Variants in TRIM2 observed in about 807,000 individuals in gnomAD.
TRIM2 encodes tripartite motif containing 2, also known as tripartite motif-containing protein 2.
A neutral mutation model predicts 75.2 loss-of-function variants in TRIM2; 20 were observed. The ratio of observed to expected loss-of-function variants is 0.27; its 90% confidence interval spans 0.19 to 0.39. The LOEUF is 0.39. Among genes scored for constraint, TRIM2 ranks in the 10% least tolerant of loss-of-function variants. TRIM2 has a pLI of 1.00. For synonymous variants in TRIM2, 373 were observed against 388.3 expected (o/e 0.96, Z 0.46); for missense variants, 660 against 990.8 (o/e 0.67, Z 4.48).
At chr4:153,263,584 G>A (rs1283405138) in intron 1 of TRIM2, among the ~76,000 whole-genome samples, 2 of 152,200 alleles carry the variant, frequency 1.3e-5, no homozygotes, top group Non-Finnish European at 2.9e-5. Flanking sequence ...ATGCAAATCT[G>A]TGCCCTTGTA....
At chr4:153,308,077 C>CTGG in intron 6 of TRIM2, 1 of 822,306 alleles carries the variant, frequency 1.2e-6, no homozygotes, top group Non-Finnish European at 2.2e-6. Flanking sequence ...TTGTACCTAT[C>CTGG]AAATACTTTC....
chr4:153,237,309 A>T (rs1318235657), intron 1 of TRIM2, among the ~76,000 whole-genome samples: 1 of 152,168 alleles, frequency 6.6e-6, no homozygotes, highest in East Asian at 1.9e-4. Flanking sequence ...TTGATTATTA[A>T]TATTAATTTT....
intron 1 of TRIM2, among the ~76,000 whole-genome samples, chr4:153,246,424 G>A (rs1202223404): frequency 6.6e-6 from 1 of 152,086 alleles, no homozygotes; most frequent in African/African-American, 2.4e-5. Flanking sequence ...TATTTCCTAG[G>A]TGGGTCTGAA....
intron 1 of TRIM2, among the ~76,000 whole-genome samples, chr4:153,178,522 G>T (rs1264686833): frequency 6.6e-6 from 1 of 152,174 alleles, no homozygotes; most frequent in Non-Finnish European, 1.5e-5. Context: ...CACTTATTTT[G>T]CAGTTTGAGA....
At chr4:153,267,866 G>C (rs1179696982) in intron 1 of TRIM2, among the ~76,000 whole-genome samples, 1 of 152,060 alleles carries the variant, frequency 6.6e-6, no homozygotes, top group Non-Finnish European at 1.5e-5. Context: ...AATTTATCAA[G>C]ACAGGGGATT....
At position 153,293,219 on chromosome 4, in the gene TRIM2, T is replaced by C. The variant is rs1032173439; in HGVS notation, c.605+86T>C. 4.7e-5 allele frequency: 64 copies of C among 1,352,324 alleles called. No homozygotes were observed. In the African/African-American group the frequency reaches 7.5e-4, roughly 16 times the overall value. 83.8% of individuals were successfully genotyped at this position (1,352,324 alleles called of 1,614,324 possible). On this transcript the variant is annotated intron_variant, in intron 4 of 11. Coordinates refer to ENST00000338700, the MANE Select transcript of TRIM2 (RefSeq NM_015271.5). ...CCTCTTGTCTAGGTACAAGAGTAGG[T>C]TCATATTTCCCTTGAGATATCAGGC...
intron 3 of TRIM2, among the ~76,000 whole-genome samples, chr4:153,279,970 A>T (rs1339566739): frequency 6.8e-6 from 1 of 146,962 alleles, no homozygotes; most frequent in Non-Finnish European, 1.5e-5. Flanking sequence ...GCAGGGGGGG[A>T]TAGTGGAGCA....
Position 153,335,222 on chromosome 4 carries a change from G to C in TRIM2, c.*256G>C, listed in dbSNP as rs1772319780. On this transcript the variant is annotated 3_prime_UTR_variant, in exon 12 of 12. Transcript: ENST00000338700. ...TTTACATCTGTGAACTATGGCTTAA[G>C]GGACAGGATTTATGTAGCTAAACTA... The C allele has an allele frequency of 8.6e-7, 1 of 1,159,092 alleles. No individual in the cohort carries two copies. Among genetic ancestry groups the C allele is most frequent in the Admixed American group, 4.5e-5 (1 of 22,222 alleles). The allele number at this position is 1,159,092 out of a possible 1,614,324, so 71.8% of individuals were successfully genotyped here.
chr4:153,219,046 G>A (rs1739263505), intron 1 of TRIM2, among the ~76,000 whole-genome samples: 1 of 152,046 alleles, frequency 6.6e-6, no homozygotes, highest in African/African-American at 2.4e-5. Flanking sequence ...CTTAACCATA[G>A]CACCCATTAG....
intron 11 of TRIM2, among the ~76,000 whole-genome samples, chr4:153,331,085 G>C (rs1403234886): frequency 6.6e-6 from 1 of 152,170 alleles, no homozygotes; most frequent in African/African-American, 2.4e-5. Flanking sequence ...ACTTTAGGAG[G>C]CCAAGGTGGG....
chr4:153,153,501 C>G (rs1008658567), intron 1 of TRIM2, among the ~76,000 whole-genome samples: 4 of 152,158 alleles, frequency 2.6e-5, no homozygotes, highest in African/African-American at 9.7e-5. Flanking sequence ...GGGTTGCCAG[C>G]GCCGGGCTTG....
intron 1 of TRIM2, among the ~76,000 whole-genome samples, chr4:153,161,311 C>A (rs1729714116): frequency 6.6e-6 from 1 of 152,188 alleles, no homozygotes; most frequent in South Asian, 2.1e-4. Flanking sequence ...TAGAAAGAAC[C>A]TCCATGAATT....
intron 6 of TRIM2, chr4:153,310,006 T>A (rs72729632): frequency 0.064 from 9,673 of 152,238 alleles, 414 homozygotes; most frequent in Middle Eastern, 0.13. Context: ...AGTCTAAGGG[T>A]TCACCTTATG....
intron 3 of TRIM2, among the ~76,000 whole-genome samples, chr4:153,288,854 A>T: frequency 6.7e-6 from 1 of 150,320 alleles, no homozygotes; most frequent in Non-Finnish European, 1.5e-5. Context: ...TTCCTGCTTG[A>T]ATTTTCTGTG....
intron 1 of TRIM2, among the ~76,000 whole-genome samples, chr4:153,207,754 G>A (rs986914354): frequency 6.6e-6 from 1 of 152,206 alleles, no homozygotes; most frequent in African/African-American, 2.4e-5. Context: ...ATCCGGGACT[G>A]GCCAGCAGGT....
chr4:153,205,485 A>G (rs1735143021), intron 1 of TRIM2, among the ~76,000 whole-genome samples: 1 of 152,014 alleles, frequency 6.6e-6, no homozygotes, highest in African/African-American at 2.4e-5. Context: ...GAGTCCTGGG[A>G]GTTGCTTTAG....
intron 1 of TRIM2, among the ~76,000 whole-genome samples, chr4:153,211,437 ATTTG>A (rs1736961200): frequency 6.9e-6 from 1 of 145,400 alleles, no homozygotes; most frequent in Non-Finnish European, 1.5e-5. Flanking sequence ...ATCTTAGTTC[ATTTG>A]TTTGTTTGTT....
At chr4:153,292,955 C>G in intron 3 of TRIM2, 27 bp from the exon 4 acceptor site, 1 of 1,578,358 alleles carries the variant, frequency 6.3e-7, no homozygotes, top group South Asian at 1.2e-5. Context: ...GGCCCAGAAC[C>G]AGGAACTTTT....
rs1388486290 is a variant in TRIM2 at position 153,295,033 on chromosome 4, C to G, written c.787-280C>G. Among the ~76,000 whole-genome samples the G allele has an allele frequency of 1.3e-5, 2 of 152,186 alleles. No homozygotes were observed. The highest frequency in any genetic ancestry group is 2.9e-5 in the Non-Finnish European group (2 of 68,032). The stretch of plus-strand genomic sequence containing the variant: ...GGCATAGCAATTAATTTGCTATGCT[C>G]TTGGTAGTGACCTTTCTGTTTTCCC... On this transcript the variant is annotated intron_variant, in intron 5 of 11. Coordinates refer to ENST00000338700, the MANE Select transcript of TRIM2 (RefSeq NM_015271.5). The surrounding 1 kb of genome is among the most constrained non-coding windows in gnomAD (Gnocchi z 7.2).
Sources: gnomAD v4.1 joint callset for allele counts (sites outside exome capture counted in the v4.1 genomes callset) on GRCh38, gnomAD v4.1.1 for gene constraint, Gnocchi (gnomAD v3.1) non-coding constraint, MANE v1.5 for transcripts, NCBI Gene and HGNC (gene_info 2026-07-23, HGNC 2026-07-21) for gene names.